Variants in LRP1B observed in about 807,000 individuals in gnomAD.
LRP1B encodes low-density lipoprotein receptor-related protein 1B.
A neutral mutation model predicts 556.6 loss-of-function variants in LRP1B; 217 were observed. The ratio of observed to expected loss-of-function variants is 0.39; its 90% CI spans 0.35 to 0.44. LRP1B has a LOEUF of 0.44. Ranked by LOEUF, LRP1B falls within the 20% of genes least tolerant of loss-of-function variation. The pLI is 1.00. For synonymous variants in LRP1B, 2,047 were observed against 1,865.8 expected, an observed-to-expected ratio of 1.10 and a Z score of -2.50; for missense variants, 5,053 against 5,620.8, an observed-to-expected ratio of 0.90 and a Z score of 3.23.
At chr2:141,907,704 A>G (rs999047041) in intron 1 of LRP1B, among the ~76,000 whole-genome samples, 3 of 152,028 alleles carry the variant, frequency 2.0e-5, no homozygotes. Context: ...AGGATCAGAT[A>G]GTCAATATTT....
intron 1 of LRP1B, among the ~76,000 whole-genome samples, chr2:141,899,350 GTAAA>G (rs1190938726): frequency 6.6e-6 from 1 of 152,032 alleles, no homozygotes; most frequent in African/African-American, 2.4e-5. Context: ...ATATGCTGTG[GTAAA>G]TACTTTTTAT....
chr2:141,205,907 C>A (rs1468340486), intron 6 of LRP1B, among the ~76,000 whole-genome samples: 2 of 152,080 alleles, frequency 1.3e-5, no homozygotes. Flanking sequence ...TTTCTTCCTG[C>A]CAGATGTGAC....
chr2:141,747,628 T>C (rs1443766419), intron 2 of LRP1B, among the ~76,000 whole-genome samples: 2 of 152,120 alleles, frequency 1.3e-5, no homozygotes, highest in Non-Finnish European at 2.9e-5. Flanking sequence ...AGACTCTAAA[T>C]AAATAAATAA....
intron 7 of LRP1B, among the ~76,000 whole-genome samples, chr2:141,097,793 AG>A (rs1700358815): frequency 6.6e-6 from 1 of 152,184 alleles, no homozygotes. Flanking sequence ...AAATTATTAC[AG>A]TTCTCAAACT....
chr2:140,278,598 G>A (rs1164326408), intron 84 of LRP1B, among the ~76,000 whole-genome samples: 1 of 151,820 alleles, frequency 6.6e-6, no homozygotes, highest in African/African-American at 2.4e-5. Context: ...CAGTTGATTG[G>A]CCTCATGGCA....
At chr2:141,582,310 C>T (rs1346149779) in intron 2 of LRP1B, among the ~76,000 whole-genome samples, 2 of 152,144 alleles carry the variant, frequency 1.3e-5, no homozygotes, top group African/African-American at 4.8e-5. Context: ...TTAAAGCAAA[C>T]TGAAGAAAAC....
intron 6 of LRP1B, among the ~76,000 whole-genome samples, chr2:141,212,445 A>ATT (rs77370519): frequency 7.1e-6 from 1 of 141,710 alleles, no homozygotes. Flanking sequence ...CGCCCGGATA[A>ATT]TTTTTTTTTT....
intron 2 of LRP1B, among the ~76,000 whole-genome samples, chr2:141,646,400 G>T (rs762034664): frequency 6.6e-6 from 1 of 151,976 alleles, no homozygotes; most frequent in Non-Finnish European, 1.5e-5. Context: ...GTTTCATCTC[G>T]AATTTAAGAG....
At chr2:141,347,973 G>T (rs1388131432) in intron 3 of LRP1B, among the ~76,000 whole-genome samples, 1 of 152,020 alleles carries the variant, frequency 6.6e-6, no homozygotes, top group African/African-American at 2.4e-5. Flanking sequence ...TCAGAAAACA[G>T]AATGGGCCTG....
intron 55 of LRP1B, among the ~76,000 whole-genome samples, chr2:140,499,880 A>G (rs1271189169): frequency 6.6e-6 from 1 of 151,974 alleles, no homozygotes; most frequent in Admixed American, 6.6e-5. Context: ...GAACTAAATA[A>G]TTATTTGTAA....
intron 84 of LRP1B, among the ~76,000 whole-genome samples, chr2:140,287,338 G>A (rs1198561207): frequency 6.6e-6 from 1 of 151,772 alleles, no homozygotes; most frequent in Admixed American, 6.6e-5. Context: ...CTTAATTCTA[G>A]TTCTTCATGG....
intron 3 of LRP1B, among the ~76,000 whole-genome samples, chr2:141,480,173 G>T (rs1277151317): frequency 3.0e-5 from 1 of 33,600 alleles, no homozygotes; most frequent in Non-Finnish European, 8.8e-5. Context: ...GTGTGTGTGT[G>T]TGTGTGTGTG....
Position 140,550,254 on chromosome 2 carries a change from C to T in LRP1B, c.7195-8283G>A, listed in dbSNP as rs142721726. Among the ~76,000 whole-genome samples the T allele has an allele frequency of 3.6e-3, 545 of 152,180 alleles. 4 individuals are homozygous for T. The highest frequency in any genetic ancestry group is 0.013 in the African/African-American group (529 of 41,536). ...TTCTTCATCTGTTTTCTTTTCTAAGCGCTTCACTTCATTACCCACTGCTAT... is the reference window on the plus strand; with the variant it reads ...TTCTTCATCTGTTTTCTTTTCTAAGTGCTTCACTTCATTACCCACTGCTAT... On this transcript the variant is annotated intron_variant, in intron 43 of 90. Transcript: ENST00000389484.
chr2:142,003,191 A>C (rs1702706988), intron 1 of LRP1B, among the ~76,000 whole-genome samples: 2 of 152,244 alleles, frequency 1.3e-5, no homozygotes, highest in Non-Finnish European at 2.9e-5. Context: ...TTCCATAAAA[A>C]TTTACTGAAC....
intron 3 of LRP1B, among the ~76,000 whole-genome samples, chr2:141,398,403 G>C (rs879710524): frequency 8.7e-4 from 133 of 152,206 alleles, no homozygotes; most frequent in African/African-American, 3.0e-3. Flanking sequence ...AAAAATATAT[G>C]GAAATATTTA....
At chr2:140,825,442 T>G (rs989363401) in intron 31 of LRP1B, among the ~76,000 whole-genome samples, 9 of 152,090 alleles carry the variant, frequency 5.9e-5, no homozygotes, top group African/African-American at 1.7e-4. Context: ...TTTTTTTAGT[T>G]TTTTCTTCAA....
intron 3 of LRP1B, among the ~76,000 whole-genome samples, chr2:141,387,559 TTAGA>T (rs1255770707): frequency 6.6e-6 from 1 of 152,080 alleles, no homozygotes; most frequent in Admixed American, 6.5e-5. Flanking sequence ...ATTAGATAGC[TTAGA>T]TAAAGTGAAC....
chr2:142,086,520 G>C (rs943032617), intron 1 of LRP1B, among the ~76,000 whole-genome samples: 3 of 151,938 alleles, frequency 2.0e-5, no homozygotes, highest in African/African-American at 4.8e-5. Flanking sequence ...CAGGAGAAAC[G>C]TTTGAACCCG....
intron 21 of LRP1B, among the ~76,000 whole-genome samples, chr2:140,909,178 T>C (rs1244579977): frequency 1.3e-5 from 2 of 152,178 alleles, no homozygotes; most frequent in African/African-American, 4.8e-5. Context: ...TAATTATCTT[T>C]TCCAGATTAT....
Sources: gnomAD v4.1 joint callset for allele counts (sites outside exome capture counted in the v4.1 genomes callset) on GRCh38, gnomAD v4.1.1 for gene constraint, MANE v1.5 for transcripts, NCBI Gene and HGNC (gene_info 2026-07-23, HGNC 2026-07-21) for gene names.